Variants in PIEZO2 observed in about 807,000 individuals in gnomAD.
The protein encoded by PIEZO2 is piezo-type mechanosensitive ion channel component 2.
In PIEZO2, 172 loss-of-function variants were observed where a neutral mutation model predicts 337.3. That is an observed-to-expected ratio of 0.51 (90% CI 0.45 to 0.58). The LOEUF is 0.58. Ranked by LOEUF, PIEZO2 falls within the 20% of genes least tolerant of loss-of-function variation. PIEZO2 has a pLI of 0.00. For missense variants in PIEZO2, 3,028 were observed against 3,391.3 expected (o/e 0.89, Z 2.66); for synonymous variants, 1,251 against 1,228.5 (o/e 1.02, Z -0.38).
intron 3 of PIEZO2, among the ~76,000 whole-genome samples, chr18:10,955,096 A>G (rs568845835): frequency 2.3e-4 from 35 of 152,256 alleles, no homozygotes; most frequent in Non-Finnish European, 4.9e-4. Flanking sequence ...GCCGAGAGAG[A>G]TGTGGGGGTC....
At chr18:10,900,024 A>G (rs1294105319) in intron 4 of PIEZO2, among the ~76,000 whole-genome samples, 3 of 152,152 alleles carry the variant, frequency 2.0e-5, no homozygotes, top group African/African-American at 7.2e-5. Context: ...AGGATTGCTT[A>G]TTTTTGCTAG....
chr18:11,135,371 T>C (rs935963164), intron 1 of PIEZO2, among the ~76,000 whole-genome samples: 2 of 152,210 alleles, frequency 1.3e-5, no homozygotes, highest in Non-Finnish European at 2.9e-5. Flanking sequence ...AAGATCTCAC[T>C]GCAGGGGTGC....
intron 3 of PIEZO2, among the ~76,000 whole-genome samples, chr18:10,913,458 A>T (rs1206702394): frequency 1.3e-5 from 2 of 152,172 alleles, no homozygotes; most frequent in Non-Finnish European, 2.9e-5. Context: ...TGCTTCGTGG[A>T]AGAAACAAAG....
rs76538097 is a variant in PIEZO2, at chr18:11,003,838, T to G, written c.161-24178A>C. On this transcript the variant is annotated intron_variant, in intron 2 of 55. Transcript: ENST00000674853. The surrounding 1 kb of genome is among the most constrained non-coding windows in gnomAD (Gnocchi z 4.6). Reference sequence around the variant, plus strand: ...GGGGGTGGACCTGGAAACAAAGTGATTTTTTCCCCTCATTGACATTGGAAC... The same window carrying G: ...GGGGGTGGACCTGGAAACAAAGTGAGTTTTTCCCCTCATTGACATTGGAAC... Among the ~76,000 whole-genome samples, 6,910 of 152,212 alleles carry G rather than the reference T, an allele frequency of 0.045. 548 individuals are homozygous for G. The highest frequency in any genetic ancestry group is 0.15 in the African/African-American group (6,435 of 41,520).
chr18:10,947,416 A>C (rs1170024053), intron 3 of PIEZO2, among the ~76,000 whole-genome samples: 9 of 152,186 alleles, frequency 5.9e-5, no homozygotes, highest in Admixed American at 5.2e-4. Flanking sequence ...TGTCTTATAA[A>C]AGTATGTTTC....
chr18:10,733,852 T>C (rs2036888588), intron 35 of PIEZO2, among the ~76,000 whole-genome samples: 1 of 152,178 alleles, frequency 6.6e-6, no homozygotes, highest in African/African-American at 2.4e-5. Flanking sequence ...GAAAAATACA[T>C]GGAAATTTAC....
chr18:10,720,375 G>C (rs1218375627), intron 36 of PIEZO2, among the ~76,000 whole-genome samples: 7 of 26,978 alleles, frequency 2.6e-4, no homozygotes, highest in Non-Finnish European at 4.9e-4. Flanking sequence ...GTGTGTGTGT[G>C]TGTGTGTGTG....
intron 17 of PIEZO2, among the ~76,000 whole-genome samples, 189 bp from the exon 18 acceptor site, chr18:10,780,555 TCAGA>T (rs1342339932): frequency 6.6e-6 from 1 of 152,080 alleles, no homozygotes; most frequent in East Asian, 1.9e-4. Flanking sequence ...CAACATTAAA[TCAGA>T]CAATGTTCAG....
intron 36 of PIEZO2, chr18:10,725,436 G>A (rs1156771979): frequency 1.3e-6 from 2 of 1,598,986 alleles, no homozygotes; most frequent in Non-Finnish European, 1.7e-6. Context: ...GTACTGGTTG[G>A]AGGGCATGCT....
At chr18:11,071,177 T>C (rs1328288206) in intron 1 of PIEZO2, among the ~76,000 whole-genome samples, 1 of 152,154 alleles carries the variant, frequency 6.6e-6, no homozygotes, top group Non-Finnish European at 1.5e-5. Flanking sequence ...ACTCCCCACA[T>C]CCCAACCTCC....
At chr18:10,917,005 T>A (rs1051358565) in intron 3 of PIEZO2, among the ~76,000 whole-genome samples, 2 of 152,110 alleles carry the variant, frequency 1.3e-5, no homozygotes, top group Non-Finnish European at 2.9e-5. Context: ...CTATAGAAGT[T>A]CTCTGTCATC....
intron 7 of PIEZO2, among the ~76,000 whole-genome samples, chr18:10,831,655 G>A (rs1231895506): frequency 6.6e-6 from 1 of 152,070 alleles, no homozygotes; most frequent in Non-Finnish European, 1.5e-5. Flanking sequence ...GAACTGAAAT[G>A]TTTATAACAC....
intron 18 of PIEZO2, among the ~76,000 whole-genome samples, chr18:10,777,356 A>G (rs1044852937): frequency 1.1e-4 from 16 of 152,124 alleles, no homozygotes; most frequent in African/African-American, 3.6e-4. Flanking sequence ...GTGTTTCTCC[A>G]TTTGTGACTC....
At chr18:10,741,358 TA>T (rs2144155655) in intron 32 of PIEZO2, among the ~76,000 whole-genome samples, 1 of 152,262 alleles carries the variant, frequency 6.6e-6, no homozygotes, top group African/African-American at 2.4e-5. Context: ...CAAAGACATA[TA>T]AAAAAGAAAG....
intron 39 of PIEZO2, among the ~76,000 whole-genome samples, chr18:10,710,775 A>G (rs2035789342): frequency 6.6e-6 from 1 of 151,920 alleles, no homozygotes; most frequent in African/African-American, 2.4e-5. Context: ...TCCACTGCAG[A>G]ACCTCTTCTA....
In PIEZO2 at chr18:10,888,006, A is replaced by G. The variant is rs951300038; in HGVS notation, c.330-16591T>C. ...GAACTTTGTAAGGATATATTCTGAA[A>G]TTGCATCAATGTCCTCTGCCTTATC... is the stretch of plus-strand genomic sequence containing the variant. On this transcript the variant is annotated intron_variant, in intron 4 of 55. Coordinates refer to ENST00000674853, the MANE Select transcript of PIEZO2 (RefSeq NM_001378183.1). This position sits in a 1 kb window ranked among gnomAD's most constrained non-coding sequence, Gnocchi z 4.1. Among the ~76,000 whole-genome samples, 1 of 152,166 alleles carries G rather than the reference A, an allele frequency of 6.6e-6. No individual in the cohort carries two copies.
In PIEZO2 at chr18:11,038,659, C is replaced by G. The variant is rs1405676662; in HGVS notation, c.160+27468G>C. ...CATCAGAGCCCAGAAACGTGGCTTC[C>G]TCTACTGGCCCTACCACTTGCTTAA... On this transcript the variant is annotated intron_variant, in intron 2 of 55. Transcript: ENST00000674853. This position sits in a 1 kb window ranked among gnomAD's most constrained non-coding sequence, Gnocchi z 4.1. Among the ~76,000 whole-genome samples the G allele has an allele frequency of 2.6e-5, 4 of 152,190 alleles. No homozygotes were observed. Among genetic ancestry groups the G allele is most frequent in the African/African-American group, 9.7e-5 (4 of 41,432 alleles).
At chr18:10,881,179 T>C (rs76552445) in intron 4 of PIEZO2, among the ~76,000 whole-genome samples, 3,134 of 152,142 alleles carry the variant, frequency 0.021, 107 homozygotes, top group African/African-American at 0.071. Flanking sequence ...AGATATCTAA[T>C]TACCTTAAGG....
chr18:10,869,209 TAG>T (rs2042080235), intron 5 of PIEZO2, among the ~76,000 whole-genome samples: 1 of 152,206 alleles, frequency 6.6e-6, no homozygotes. Context: ...CTCTCTTTTG[TAG>T]AAGAAGAAAG....
Sources: allele counts gnomAD v4.1 joint callset (sites outside exome capture counted in the v4.1 genomes callset), GRCh38; gene constraint gnomAD v4.1.1; non-coding constraint Gnocchi (gnomAD v3.1); transcripts MANE v1.5; gene names NCBI Gene and HGNC (gene_info 2026-07-23, HGNC 2026-07-21).